RIMS1: variants seen among roughly 807,000 people sequenced by gnomAD.
The protein encoded by RIMS1 is regulating synaptic membrane exocytosis protein 1.
A neutral mutation model predicts 214.1 loss-of-function variants in RIMS1; 83 were observed. The ratio of observed to expected loss-of-function variants is 0.39; its 90% CI spans 0.32 to 0.47. RIMS1 has a LOEUF of 0.47. Ranked by LOEUF, RIMS1 falls within the 20% of genes least tolerant of loss-of-function variation. RIMS1 has a pLI of 0.99. For missense variants in RIMS1, 2,050 were observed against 2,161.8 expected (o/e 0.95, Z 1.03); for synonymous variants, 793 against 786.8 (o/e 1.01, Z -0.13).
chr6:71,970,702 T>C (rs964972728), intron 2 of RIMS1, among the ~76,000 whole-genome samples: 1 of 152,256 alleles, frequency 6.6e-6, no homozygotes, highest in Non-Finnish European at 1.5e-5. Flanking sequence ...CTTTGGATCC[T>C]GCTTTTTGAC....
intron 24 of RIMS1, among the ~76,000 whole-genome samples, chr6:72,288,134 A>C (rs901492639): frequency 2.0e-5 from 3 of 152,178 alleles, no homozygotes; most frequent in African/African-American, 7.2e-5. Flanking sequence ...GAGAGCAAGC[A>C]TTGGAGCTGG....
chr6:71,926,711 A>G (rs1266731793), intron 1 of RIMS1, among the ~76,000 whole-genome samples: 2 of 152,262 alleles, frequency 1.3e-5, no homozygotes, highest in Non-Finnish European at 1.5e-5. Context: ...CAGCCCAAAC[A>G]CTTCTAAGTG....
chr6:72,204,918 A>T (rs1210296803), intron 6 of RIMS1, among the ~76,000 whole-genome samples: 2 of 152,084 alleles, frequency 1.3e-5, no homozygotes, highest in Non-Finnish European at 2.9e-5. Context: ...CTTGTCTTCT[A>T]ATTCTTGGCA....
At chr6:72,133,541 G>A (rs956460493) in intron 4 of RIMS1, among the ~76,000 whole-genome samples, 2 of 152,132 alleles carry the variant, frequency 1.3e-5, no homozygotes, top group Non-Finnish European at 2.9e-5. Context: ...GTTCTCCTTT[G>A]CTGCAGCATG....
At chr6:72,348,149 G>A (rs773759184) in intron 29 of RIMS1, among the ~76,000 whole-genome samples, 4 of 151,802 alleles carry the variant, frequency 2.6e-5, no homozygotes, top group African/African-American at 4.8e-5. Context: ...TCTATGTTTG[G>A]TTTGTTATTC....
intron 1 of RIMS1, 23 bp downstream of exon 1, chr6:71,887,210 A>G (rs1033007655): frequency 1.9e-6 from 3 of 1,592,780 alleles, no homozygotes; most frequent in Admixed American, 1.8e-5. Flanking sequence ...CAGCCGCGCC[A>G]TCCATGCCTC....
At chr6:71,992,404 CTCTTTCTT>C (rs70994109) in intron 2 of RIMS1, among the ~76,000 whole-genome samples, 3,398 of 110,072 alleles carry the variant, frequency 0.031, 87 homozygotes, top group African/African-American at 0.086. Context: ...TTCTCTCTCT[CTCTTTCTT>C]TCTTTCTTTC....
At chr6:71,945,665 A>G (rs1787576981) in intron 1 of RIMS1, among the ~76,000 whole-genome samples, 1 of 152,206 alleles carries the variant, frequency 6.6e-6, no homozygotes, top group Admixed American at 6.5e-5. Flanking sequence ...TGCCCTAGCC[A>G]GAGCAATTAA....
At chr6:72,353,948 G>A (rs758499547) in intron 29 of RIMS1, among the ~76,000 whole-genome samples, 3 of 151,948 alleles carry the variant, frequency 2.0e-5, no homozygotes, top group African/African-American at 4.8e-5. Context: ...GGCCGGGCAC[G>A]GTGGCTCACA....
intron 29 of RIMS1, among the ~76,000 whole-genome samples, chr6:72,370,162 CCT>C (rs979265551): frequency 1.3e-5 from 2 of 152,062 alleles, no homozygotes; most frequent in African/African-American, 4.8e-5. Context: ...CATTGGTTCC[CCT>C]GTTTTCCACC....
Position 72,392,718 on chromosome 6 carries a change from G to A in RIMS1, c.4526G>A (p.Arg1509Gln), listed in dbSNP as rs746144932. 5.0e-6 allele frequency: 8 copies of A among 1,612,806 alleles called. No homozygotes were observed. The highest frequency in any genetic ancestry group is 5.9e-6 in the Non-Finnish European group (7 of 1,178,890). Residue 1509 changes from arginine to glutamine, a missense_variant, in exon 31 of 34, where the codon CGA (arginine) becomes CAA (glutamine). By Grantham distance (43) the Arg-to-Gln change is conservative. Transcript: ENST00000521978. ...GATAGTTTAATATTTCCTGGAGTGC[G>A]ACTGGGAGCTGACAGTCAATTCAGT... The part of the protein sequence containing the change: ...SEGNLIFPGV[R>Q]LGADSQFSDF...
chr6:72,291,776 T>C (rs747252502), intron 25 of RIMS1, among the ~76,000 whole-genome samples, 158 bp from the exon 26 acceptor site: 1 of 152,222 alleles, frequency 6.6e-6, no homozygotes, highest in South Asian at 2.1e-4. Flanking sequence ...TTTTGTAATA[T>C]TCCATTTACA....
chr6:72,047,626 T>G (rs1823433367), intron 2 of RIMS1, among the ~76,000 whole-genome samples: 1 of 152,146 alleles, frequency 6.6e-6, no homozygotes, highest in Non-Finnish European at 1.5e-5. Flanking sequence ...GCAGCTATTT[T>G]GGCCTCATTG....
rs531119044 is a variant in RIMS1, at chr6:72,093,258, A to G, written c.246-3691A>G. Among the ~76,000 whole-genome samples, 5 of 147,228 alleles carry G rather than the reference A, an allele frequency of 3.4e-5. No individual in the cohort carries two copies. In the East Asian group the frequency reaches 1.0e-3, roughly 29 times the overall value. ...CATGTGTGTATATATGTATATACAT[A>G]TATGTATACACACACATACACACAC... On this transcript the variant is annotated intron_variant, in intron 2 of 33. Transcript: ENST00000521978.
Position 72,248,081 on chromosome 6 carries a change from C to T in RIMS1, c.2195C>T (p.Pro732Leu), listed in dbSNP as rs2071092032. 1 of 1,613,008 alleles carries T rather than the reference C, an allele frequency of 6.2e-7. No homozygotes were observed. Among genetic ancestry groups the T allele is most frequent in the Non-Finnish European group, 8.5e-7 (1 of 1,179,460 alleles). The change falls in exon 12 of 34, where the codon CCT becomes CTT. Residue 732 changes from proline (P) to leucine (L), a missense_variant. Physicochemically the swap from Pro to Leu is moderately conservative, Grantham distance 98. This residue lies in a region of RIMS1 where 111 missense variants were observed against 166.2 expected (regional missense o/e 0.67). Transcript: ENST00000521978. ...ATTTCTGTTATTTCTCCAACAAGTCCTGGAGCTCTAAAAGATGCCCCACAA... is the reference window on the plus strand; with the variant it reads ...ATTTCTGTTATTTCTCCAACAAGTCTTGGAGCTCTAAAAGATGCCCCACAA... ...PSISVISPTS[P>L]GALKDAPQVL...
At chr6:72,159,936 G>C (rs1222476767) in intron 4 of RIMS1, among the ~76,000 whole-genome samples, 1 of 139,532 alleles carries the variant, frequency 7.2e-6, no homozygotes, top group Non-Finnish European at 1.6e-5. Flanking sequence ...GAAAGTCGTT[G>C]GTAGCTTGAT....
intron 10 of RIMS1, among the ~76,000 whole-genome samples, chr6:72,242,853 T>C (rs1468741770): frequency 6.6e-6 from 1 of 151,908 alleles, no homozygotes; most frequent in Non-Finnish European, 1.5e-5. Flanking sequence ...TTTATTATTC[T>C]ACGAAAGAAT....
chr6:72,280,858 G>A (rs1019176872), intron 23 of RIMS1, among the ~76,000 whole-genome samples: 1 of 152,122 alleles, frequency 6.6e-6, no homozygotes, highest in Middle Eastern at 3.4e-3. Context: ...CTAATTCCAA[G>A]TAATGCAAAA....
intron 2 of RIMS1, among the ~76,000 whole-genome samples, chr6:72,087,758 T>C (rs1339302367): frequency 6.6e-6 from 1 of 152,194 alleles, no homozygotes; most frequent in Non-Finnish European, 1.5e-5. Flanking sequence ...CCATATTTCA[T>C]CTACTATTAA....
Sources: gnomAD v4.1 joint callset for allele counts (sites outside exome capture counted in the v4.1 genomes callset) on GRCh38, gnomAD v4.1.1 for gene constraint, gnomAD v4.1.1 regional missense constraint, MANE v1.5 for transcripts, NCBI Gene and HGNC (gene_info 2026-07-23, HGNC 2026-07-21) for gene names.